CCDC178: variants seen among roughly 807,000 people sequenced by gnomAD.
CCDC178 encodes coiled-coil domain containing 178.
CCDC178 carries 126 observed loss-of-function variants against 117.4 expected under a neutral mutation model. That is an observed-to-expected ratio of 1.07 (90% CI 0.93 to 1.24). The LOEUF (loss-of-function observed/expected upper bound fraction) is 1.24. Ranked by LOEUF, CCDC178 falls within the 50% of genes most tolerant of loss-of-function variation. The probability of loss-of-function intolerance (pLI) is 0.00; values close to 1 mark genes in which losing one functional copy is unlikely to be tolerated. For missense variants in CCDC178, 1,030 were observed against 986.9 expected (o/e 1.04, Z -0.59); for synonymous variants, 283 against 313.4 (o/e 0.90, Z 1.02).
intron 14 of CCDC178, among the ~76,000 whole-genome samples, chr18:33,255,006 G>A (rs1410017314): frequency 1.3e-5 from 2 of 151,884 alleles, no homozygotes; most frequent in Admixed American, 6.6e-5. Flanking sequence ...TGCTGTTCTC[G>A]CTATAGTGAG....
At chr18:33,031,940 G>A (rs2056352356) in intron 21 of CCDC178, among the ~76,000 whole-genome samples, 1 of 151,864 alleles carries the variant, frequency 6.6e-6, no homozygotes, top group African/African-American at 2.4e-5. Context: ...CTACTACATA[G>A]ACCAGAATGA....
At chr18:33,073,751 T>G (rs945370122) in intron 21 of CCDC178, among the ~76,000 whole-genome samples, 1 of 152,154 alleles carries the variant, frequency 6.6e-6, no homozygotes, top group Non-Finnish European at 1.5e-5. Context: ...TGCTCTCTTG[T>G]ATTGAGCATA....
intron 20 of CCDC178, among the ~76,000 whole-genome samples, chr18:33,189,998 C>A (rs1458806554): frequency 6.6e-6 from 1 of 151,934 alleles, no homozygotes; most frequent in African/African-American, 2.4e-5. Flanking sequence ...GCAACCAGAT[C>A]ATATGCTGAC....
rs71159815 is a variant in CCDC178, at chr18:33,306,412, TTGTG to T, written c.1023-13104_1023-13101del. On this transcript the variant is annotated intron_variant, in intron 11 of 22. Transcript: ENST00000383096. The stretch of plus-strand genomic sequence containing the variant: ...GTCCAAGGTAACAGCTATTGGATCT[TTGTG>T]TGTGTGTGTGTGTGTGTGTGTGTGT... Among the ~76,000 whole-genome samples the T allele has an allele frequency of 9.7e-4, 123 of 126,216 alleles. 1 individual carries two copies. Among genetic ancestry groups the T allele is most frequent in the African/African-American group, 2.6e-3 (87 of 33,240 alleles). The allele number at this position is 126,216 out of a possible 152,430, so 82.8% of individuals were successfully genotyped here.
intron 21 of CCDC178, among the ~76,000 whole-genome samples, chr18:33,073,900 G>A (rs1018616789): frequency 1.3e-5 from 2 of 152,028 alleles, no homozygotes; most frequent in African/African-American, 2.4e-5. Context: ...TCTAAGGAAG[G>A]GACTTTCAAT....
chr18:33,155,110 A>G (rs1252381945), intron 20 of CCDC178, among the ~76,000 whole-genome samples: 1 of 152,128 alleles, frequency 6.6e-6, no homozygotes, highest in Non-Finnish European at 1.5e-5. Flanking sequence ...ATAGACAATA[A>G]ATTATAATAT....
intron 20 of CCDC178, among the ~76,000 whole-genome samples, chr18:33,145,720 G>A (rs1335762505): frequency 6.6e-6 from 1 of 152,166 alleles, no homozygotes; most frequent in Admixed American, 6.5e-5. Flanking sequence ...GATGGTGTGT[G>A]ACCCTTCAGC....
intron 20 of CCDC178, among the ~76,000 whole-genome samples, chr18:33,162,631 T>C (rs1339069175): frequency 6.6e-6 from 1 of 152,164 alleles, no homozygotes; most frequent in Non-Finnish European, 1.5e-5. Flanking sequence ...CCTCTTTTTG[T>C]GTCCATGAGT....
chr18:33,243,619 G>T, intron 15 of CCDC178, among the ~76,000 whole-genome samples: 1 of 151,800 alleles, frequency 6.6e-6, no homozygotes, highest in Non-Finnish European at 1.5e-5. Context: ...CATCAAACTT[G>T]CATTGAATCT....
At chr18:33,177,389 TA>T (rs2058676244) in intron 20 of CCDC178, among the ~76,000 whole-genome samples, 1 of 152,094 alleles carries the variant, frequency 6.6e-6, no homozygotes, top group Non-Finnish European at 1.5e-5. Context: ...AATTAAAAAT[TA>T]AATAAAAAAC....
At chr18:33,339,198 A>G (rs867153716) in intron 9 of CCDC178, among the ~76,000 whole-genome samples, 9 of 152,164 alleles carry the variant, frequency 5.9e-5, no homozygotes, top group African/African-American at 1.9e-4. Flanking sequence ...AAAGAGAAAT[A>G]TAGAGGTTTA....
At chr18:32,969,094 T>C (rs1186310535) in intron 22 of CCDC178, among the ~76,000 whole-genome samples, 1 of 152,062 alleles carries the variant, frequency 6.6e-6, no homozygotes, top group African/African-American at 2.4e-5. Context: ...ACATTTAATC[T>C]TACTAAACCA....
At chr18:32,950,159 A>T (rs939157565) in intron 22 of CCDC178, among the ~76,000 whole-genome samples, 1 of 152,198 alleles carries the variant, frequency 6.6e-6, no homozygotes, top group Admixed American at 6.5e-5. Flanking sequence ...AAGGTTATCC[A>T]AGGGAGACTT....
At position 33,092,788 on chromosome 18, in the gene CCDC178, A is replaced by C; in HGVS notation, c.2361T>G (p.Leu787=). ...GTTTCTTATCTCTAATTGAAGTATC[A>C]AGTGATAGCTGTTTATCATATATAT... ...YFNIYDKQLS[L]DTSIRDKKQL... Residue 787 remains leucine, a synonymous_variant, in exon 21 of 23, where the codon CTT becomes CTG. Coordinates refer to ENST00000383096, the MANE Select transcript of CCDC178 (RefSeq NM_001105528.4). 1 of 1,536,284 alleles carries C rather than the reference A, an allele frequency of 6.5e-7. No individual in the cohort carries two copies. The highest frequency in any genetic ancestry group is 8.9e-7 in the Non-Finnish European group (1 of 1,124,474).
At chr18:32,965,509 C>A (rs2054792710) in intron 22 of CCDC178, among the ~76,000 whole-genome samples, 2 of 151,780 alleles carry the variant, frequency 1.3e-5, no homozygotes, top group Admixed American at 6.6e-5. Context: ...TTATTTATGT[C>A]TTCATATATT....
intron 15 of CCDC178, among the ~76,000 whole-genome samples, chr18:33,240,253 T>G (rs189793609): frequency 6.6e-6 from 1 of 151,878 alleles, no homozygotes; most frequent in Admixed American, 6.6e-5. Flanking sequence ...ACAGCCAAGT[T>G]CATAGCACTA....
intron 20 of CCDC178, chr18:33,135,900 CT>C (rs2058120192): frequency 6.6e-6 from 1 of 152,168 alleles, no homozygotes; most frequent in Non-Finnish European, 1.5e-5. Context: ...TTTACAGAGC[CT>C]GTGATCCAAT....
At position 33,142,690 on chromosome 18, in the gene CCDC178, T is replaced by C. The variant is rs143704847; in HGVS notation, c.2239-49780A>G. ...CAAGCAGATGTATCAAGACCAGATA[T>C]TGGGCCTGTAGAATGATATTAAACA... is the stretch of plus-strand genomic sequence containing the variant. On this transcript the variant is annotated intron_variant, in intron 20 of 22. Transcript: ENST00000383096. Among the ~76,000 whole-genome samples the C allele has an allele frequency of 3.8e-3, 584 of 152,272 alleles. 2 individuals carry two copies. Among genetic ancestry groups the C allele is most frequent in the African/African-American group, 0.013 (558 of 41,560 alleles).
chr18:33,409,114 T>C (rs2063818355), intron 3 of CCDC178, among the ~76,000 whole-genome samples: 1 of 152,230 alleles, frequency 6.6e-6, no homozygotes, highest in Non-Finnish European at 1.5e-5. Context: ...GTTTGTTTTT[T>C]GAGACAGGGT....
Sources: gnomAD v4.1 joint callset for allele counts (sites outside exome capture counted in the v4.1 genomes callset) on GRCh38, gnomAD v4.1.1 for gene constraint, MANE v1.5 for transcripts, NCBI Gene and HGNC (gene_info 2026-07-23, HGNC 2026-07-21) for gene names.